Variants in RBFOX1 observed in about 807,000 individuals in gnomAD.
RBFOX1 encodes the protein RNA binding fox-1 homolog 1, also known as RNA binding protein fox-1 homolog 1.
RBFOX1 carries 8 observed loss-of-function variants against 57.7 expected under a neutral mutation model. The ratio of observed to expected loss-of-function variants is 0.14; its 90% CI spans 0.08 to 0.25. The LOEUF (loss-of-function observed/expected upper bound fraction) is 0.25. Ranked by LOEUF, RBFOX1 falls within the 10% of genes least tolerant of loss-of-function variation. RBFOX1 has a pLI of 1.00. For synonymous variants in RBFOX1, 326 were observed against 222.4 expected (o/e 1.47, Z -4.15); for missense variants, 611 against 548.5 (o/e 1.11, Z -1.14).
intron 4 of RBFOX1, among the ~76,000 whole-genome samples, chr16:7,324,208 G>C (rs1053137556): frequency 1.7e-4 from 26 of 152,244 alleles, no homozygotes; most frequent in African/African-American, 5.1e-4. Context: ...TGCCTTGCAA[G>C]ATGCCAGTCC....
At chr16:5,564,581 G>A (rs2045996642) in intron 2 of RBFOX1, among the ~76,000 whole-genome samples, 1 of 152,116 alleles carries the variant, frequency 6.6e-6, no homozygotes, top group South Asian at 2.1e-4. Flanking sequence ...GAATGGAATG[G>A]CTTAATCTGT....
chr16:5,912,016 A>G (rs1383671740), intron 4 of RBFOX1, among the ~76,000 whole-genome samples: 1 of 152,178 alleles, frequency 6.6e-6, no homozygotes, highest in Non-Finnish European at 1.5e-5. Flanking sequence ...GAGAACCTCT[A>G]AAATAATGAT....
intron 3 of RBFOX1, among the ~76,000 whole-genome samples, chr16:6,981,320 A>T (rs1463719825): frequency 1.3e-5 from 2 of 151,980 alleles, no homozygotes; most frequent in East Asian, 1.9e-4. Flanking sequence ...CTATGTGTCC[A>T]TGTGTTCTCA....
intron 3 of RBFOX1, among the ~76,000 whole-genome samples, chr16:6,769,926 G>A (rs949780406): frequency 1.3e-5 from 2 of 152,136 alleles, no homozygotes; most frequent in Non-Finnish European, 2.9e-5. Context: ...TTGTTTAGAG[G>A]GGGATTTCGT....
chr16:6,132,278 T>C (rs923512941), intron 1 of RBFOX1, among the ~76,000 whole-genome samples: 3 of 151,734 alleles, frequency 2.0e-5, no homozygotes, highest in African/African-American at 7.3e-5. Context: ...CCCTGGCAGT[T>C]AGGTGGAGCT....
Position 6,842,296 on chromosome 16 carries a change from C to G in RBFOX1, c.-16+187646C>G, listed in dbSNP as rs541970660. Among the ~76,000 whole-genome samples, 6 of 151,982 alleles carry G rather than the reference C, an allele frequency of 3.9e-5. No homozygotes were observed. The South Asian group carries it at 8.3e-4, about 21-fold the overall frequency. ...TCTGTAAGGAAATAAAAACAACTTT[C>G]TTAATTATTTTTTTCTGATCAGAGA... On this transcript the variant is annotated intron_variant, in intron 3 of 15. Coordinates refer to ENST00000550418, the MANE Select transcript of RBFOX1 (RefSeq NM_018723.4).
intron 4 of RBFOX1, among the ~76,000 whole-genome samples, chr16:5,921,017 C>A (rs1206311037): frequency 6.6e-6 from 1 of 152,272 alleles, no homozygotes; most frequent in African/African-American, 2.4e-5. Flanking sequence ...TAATGGGAAT[C>A]ATTGATTCTA....
At chr16:6,572,102 A>G (rs1418871307) in intron 2 of RBFOX1, among the ~76,000 whole-genome samples, 5 of 152,190 alleles carry the variant, frequency 3.3e-5, no homozygotes, top group African/African-American at 1.2e-4. Context: ...CAAGCGTTCC[A>G]GGGTCTCTTT....
chr16:7,664,642 C>G (rs1174809631), intron 12 of RBFOX1: 2 of 459,228 alleles, frequency 4.4e-6, no homozygotes, highest in African/African-American at 3.9e-5. Flanking sequence ...CTTTGCATTT[C>G]AAAGTCGTGC....
At chr16:5,652,607 C>G (rs990434594) in intron 3 of RBFOX1, among the ~76,000 whole-genome samples, 2 of 152,236 alleles carry the variant, frequency 1.3e-5, no homozygotes, top group African/African-American at 4.8e-5. Flanking sequence ...ACGTCCTCCT[C>G]TCAGCCCCCA....
At chr16:6,937,623 C>T (rs1436840421) in intron 3 of RBFOX1, among the ~76,000 whole-genome samples, 1 of 151,944 alleles carries the variant, frequency 6.6e-6, no homozygotes, top group Admixed American at 6.6e-5. Flanking sequence ...TACATTGGTT[C>T]GGTCTGGAAA....
chr16:5,951,139 C>T (rs1445802221), intron 4 of RBFOX1, among the ~76,000 whole-genome samples: 3 of 152,116 alleles, frequency 2.0e-5, no homozygotes, highest in African/African-American at 7.2e-5. Flanking sequence ...ATATCCTGAA[C>T]TTTTTATTTA....
intron 4 of RBFOX1, among the ~76,000 whole-genome samples, chr16:7,103,487 G>T (rs1172137614): frequency 6.6e-6 from 1 of 152,158 alleles, no homozygotes; most frequent in Admixed American, 6.6e-5. Context: ...GAATTGGTAT[G>T]AAAAGACGTT....
At chr16:5,918,445 G>A (rs368439417) in intron 4 of RBFOX1, among the ~76,000 whole-genome samples, 1 of 152,096 alleles carries the variant, frequency 6.6e-6, no homozygotes, top group East Asian at 1.9e-4. Context: ...CACCAACACC[G>A]GTGTGTGTGC....
chr16:7,012,490 T>C (rs2093698906), intron 3 of RBFOX1, among the ~76,000 whole-genome samples: 1 of 152,190 alleles, frequency 6.6e-6, no homozygotes, highest in African/African-American at 2.4e-5. Context: ...TCCCAAGCCA[T>C]GTTAATAACT....
intron 4 of RBFOX1, among the ~76,000 whole-genome samples, chr16:7,319,637 G>A (rs1211072369): frequency 6.6e-6 from 1 of 152,152 alleles, no homozygotes; most frequent in Non-Finnish European, 1.5e-5. Context: ...ATCGAGGCGA[G>A]ATTTAGAATG....
intron 3 of RBFOX1, among the ~76,000 whole-genome samples, chr16:6,898,473 C>T (rs986092159): frequency 6.6e-6 from 1 of 152,160 alleles, no homozygotes. Context: ...ATTTAAGTCT[C>T]ATAATTCAGT....
At chr16:6,227,582 C>T (rs2097427550) in intron 1 of RBFOX1, among the ~76,000 whole-genome samples, 1 of 151,374 alleles carries the variant, frequency 6.6e-6, no homozygotes, top group African/African-American at 2.5e-5. Context: ...ACACGCCCTT[C>T]TCCTTTCAGG....
chr16:5,536,343 T>G (rs1359282353), intron 2 of RBFOX1, among the ~76,000 whole-genome samples: 1 of 149,934 alleles, frequency 6.7e-6, no homozygotes, highest in East Asian at 2.0e-4. Context: ...CAAGCGATTC[T>G]CCTGCCTCAG....
Sources: allele counts gnomAD v4.1 joint callset (sites outside exome capture counted in the v4.1 genomes callset), GRCh38; gene constraint gnomAD v4.1.1; transcripts MANE v1.5; gene names NCBI Gene and HGNC (gene_info 2026-07-23, HGNC 2026-07-21).